Variants in IQCH observed in about 807,000 individuals in gnomAD.
The protein encoded by IQCH is IQ domain-containing protein H.
A neutral mutation model predicts 117.0 loss-of-function variants in IQCH; 98 were observed. That is an observed-to-expected ratio of 0.84 (90% CI 0.71 to 0.99). The LOEUF (loss-of-function observed/expected upper bound fraction) is 0.99. IQCH is among the 50% of genes least tolerant of loss of function. The pLI is 0.00. For synonymous variants in IQCH, 412 were observed against 448.2 expected (o/e 0.92, Z 1.02); for missense variants, 1,102 against 1,243.8 (o/e 0.89, Z 1.72).
Position 67,401,349 on chromosome 15 carries a change from T to C in IQCH, c.2097+1044T>C, listed in dbSNP as rs1176663295. Among the ~76,000 whole-genome samples the C allele has an allele frequency of 1.3e-5, 2 of 152,228 alleles. No individual in the cohort carries two copies. The highest frequency in any genetic ancestry group is 4.8e-5 in the African/African-American group (2 of 41,466). Reference sequence around the variant, plus strand: ...TTGCTTTTCATCCAGAAATCCCCAGTCTTGCCTGGCTTCTCTTAATCCCAA... The same window carrying C: ...TTGCTTTTCATCCAGAAATCCCCAGCCTTGCCTGGCTTCTCTTAATCCCAA... On this transcript the variant is annotated intron_variant, in intron 14 of 20. Coordinates refer to ENST00000335894, the MANE Select transcript of IQCH (RefSeq NM_001031715.3). This position sits in a 1 kb window ranked among gnomAD's most constrained non-coding sequence, Gnocchi z 4.7.
At chr15:67,371,556 T>G in intron 8 of IQCH, 2 of 1,414,430 alleles carry the variant, frequency 1.4e-6, no homozygotes, top group South Asian at 1.2e-5. Flanking sequence ...AACATAATGT[T>G]CCTTGTAAAA....
intron 4 of IQCH, among the ~76,000 whole-genome samples, chr15:67,298,077 G>A (rs931203166): frequency 6.6e-6 from 1 of 152,142 alleles, no homozygotes; most frequent in Non-Finnish European, 1.5e-5. Flanking sequence ...GGGAGGCCGA[G>A]GCGGGTGGAT....
chr15:67,435,764 T>G (rs1424099171), intron 16 of IQCH, among the ~76,000 whole-genome samples: 1 of 150,458 alleles, frequency 6.6e-6, no homozygotes, highest in Non-Finnish European at 1.5e-5. Context: ...TCCCAGCTAC[T>G]TGGAGGCTGA....
At position 67,432,402 on chromosome 15, in the gene IQCH, G is replaced by C. The variant is rs2082039933; in HGVS notation, c.2505+10825G>C. On this transcript the variant is annotated intron_variant, in intron 16 of 20. Coordinates refer to ENST00000335894, the MANE Select transcript of IQCH (RefSeq NM_001031715.3). The surrounding 1 kb of genome is among the most constrained non-coding windows in gnomAD (Gnocchi z 5.0). ...AAAAAAATCTGAAAATATTTTCATT[G>C]CAATGGCAATGGGTTCTGGCCCCAG... is the stretch of plus-strand genomic sequence containing the variant. 6.6e-6 allele frequency among the ~76,000 whole-genome samples: 1 copy of C among 152,138 alleles called. No individual in the cohort carries two copies. Among genetic ancestry groups the C allele is most frequent in the African/African-American group, 2.4e-5 (1 of 41,434 alleles).
intron 3 of IQCH, among the ~76,000 whole-genome samples, chr15:67,269,022 T>TA (rs34421114): frequency 0.24 from 33,412 of 138,404 alleles, 4,175 homozygotes; most frequent in East Asian, 0.49. Flanking sequence ...GTACACTTGC[T>TA]AAAAAAAAAA....
chr15:67,380,902 A>T (rs1028353741), intron 10 of IQCH, among the ~76,000 whole-genome samples: 1 of 152,228 alleles, frequency 6.6e-6, no homozygotes, highest in Non-Finnish European at 1.5e-5. Flanking sequence ...GATGAGATAA[A>T]CAACTACTAC....
At chr15:67,301,430 AAC>A (rs2140530222) in intron 4 of IQCH, among the ~76,000 whole-genome samples, 1 of 122,226 alleles carries the variant, frequency 8.2e-6, no homozygotes, top group East Asian at 2.5e-4. Flanking sequence ...TTTTTTTTGA[AAC>A]CGAGTCTCAT....
In IQCH at chr15:67,388,969, T is replaced by C; in HGVS notation, c.1595T>C (p.Phe532Ser). The part of the protein sequence containing the change: ...LEDRSDLQDR[F>S]KIITPEAVNI... Reference sequence around the variant, plus strand: ...GACAGAAGTGACCTGCAGGACAGGTTCAAAATTATCACACCTGAAGCTGTA... The same window carrying C: ...GACAGAAGTGACCTGCAGGACAGGTCCAAAATTATCACACCTGAAGCTGTA... The change falls in exon 12 of 21, where the codon TTC becomes TCC. Residue 532 changes from phenylalanine (F) to serine (S), a missense_variant. By Grantham distance (155) the Phe-to-Ser change is radical. This residue lies in a region of IQCH where 650 missense variants were observed against 794.3 expected (regional missense o/e 0.82). Coordinates refer to ENST00000335894, the MANE Select transcript of IQCH (RefSeq NM_001031715.3). This position sits in a 1 kb window ranked among gnomAD's most constrained non-coding sequence, Gnocchi z 5.5. 1 of 1,614,022 alleles carries C rather than the reference T, an allele frequency of 6.2e-7. No homozygotes were observed. The highest frequency in any genetic ancestry group is 1.1e-5 in the South Asian group (1 of 91,066).
intron 4 of IQCH, among the ~76,000 whole-genome samples, chr15:67,303,196 A>G (rs1199844660): frequency 1.3e-5 from 2 of 152,148 alleles, no homozygotes; most frequent in Non-Finnish European, 2.9e-5. Flanking sequence ...CGAAGCCTAC[A>G]TATTTTGACT....
intron 4 of IQCH, among the ~76,000 whole-genome samples, chr15:67,323,353 C>T (rs1225229750): frequency 6.6e-6 from 1 of 150,428 alleles, no homozygotes; most frequent in East Asian, 1.9e-4. Context: ...CGCCATTCTC[C>T]TGCCCCAGCC....
chr15:67,344,578 G>T (rs1359084826), intron 6 of IQCH, among the ~76,000 whole-genome samples: 1 of 152,200 alleles, frequency 6.6e-6, no homozygotes, highest in Non-Finnish European at 1.5e-5. Flanking sequence ...ATGACTGACA[G>T]ACTTTGAATG....
At chr15:67,383,802 CTCTTTAATTCTTA>C (rs1435415084) in intron 10 of IQCH, among the ~76,000 whole-genome samples, 1 of 152,178 alleles carries the variant, frequency 6.6e-6, no homozygotes, top group Non-Finnish European at 1.5e-5. Context: ...TTCTGCCTCT[CTCTTTAATTCTTA>C]AGTCCAGATG....
intron 10 of IQCH, among the ~76,000 whole-genome samples, chr15:67,377,817 A>C (rs1006926485): frequency 2.0e-5 from 3 of 151,968 alleles, no homozygotes; most frequent in Admixed American, 6.6e-5. Flanking sequence ...CTTTTATTTC[A>C]CTGCCAATTG....
At chr15:67,340,965 T>A (rs1453231197) in intron 5 of IQCH, among the ~76,000 whole-genome samples, 1 of 152,128 alleles carries the variant, frequency 6.6e-6, no homozygotes, top group Non-Finnish European at 1.5e-5. Context: ...TCCCAGCACT[T>A]TGGGAGGCTG....
chr15:67,282,655 A>G (rs772945482), intron 4 of IQCH, among the ~76,000 whole-genome samples: 24 of 152,216 alleles, frequency 1.6e-4, no homozygotes, highest in African/African-American at 5.5e-4. Context: ...CAGCTGTTAC[A>G]CATGCCTACT....
At position 67,493,275 on chromosome 15, in the gene IQCH, A is replaced by G. The variant is rs957447818; in HGVS notation, c.2862-983A>G. Among the ~76,000 whole-genome samples the G allele has an allele frequency of 6.6e-6, 1 of 152,316 alleles. No homozygotes were observed. Among genetic ancestry groups the G allele is most frequent in the African/African-American group, 2.4e-5 (1 of 41,582 alleles). ...GGAAACTGAGGCTTAGAGAGGGGCA[A>G]TGATTTGCCTGGGTCACACAGTAGG... On this transcript the variant is annotated intron_variant, in intron 19 of 20. Coordinates refer to ENST00000335894, the MANE Select transcript of IQCH (RefSeq NM_001031715.3). This position sits in a 1 kb window ranked among gnomAD's most constrained non-coding sequence, Gnocchi z 5.1.
chr15:67,303,237 A>G (rs1396008502), intron 4 of IQCH, among the ~76,000 whole-genome samples: 1 of 152,190 alleles, frequency 6.6e-6, no homozygotes, highest in East Asian at 1.9e-4. Context: ...GAATAGATAC[A>G]TCAGGAGAGA....
At chr15:67,306,407 A>G (rs1417568625) in intron 4 of IQCH, among the ~76,000 whole-genome samples, 2 of 152,168 alleles carry the variant, frequency 1.3e-5, no homozygotes, top group Non-Finnish European at 2.9e-5. Context: ...CTAAACACTC[A>G]AACGGGATTA....
intron 4 of IQCH, among the ~76,000 whole-genome samples, chr15:67,301,859 C>CT (rs944525504): frequency 5.3e-5 from 8 of 152,070 alleles, no homozygotes; most frequent in Admixed American, 2.0e-4. Context: ...TTAAAATTAT[C>CT]TTTTAACCTC....
Sources: allele counts gnomAD v4.1 joint callset (sites outside exome capture counted in the v4.1 genomes callset), GRCh38; gene constraint gnomAD v4.1.1; regional missense constraint gnomAD v4.1.1; non-coding constraint Gnocchi (gnomAD v3.1); transcripts MANE v1.5; gene names NCBI Gene and HGNC (gene_info 2026-07-23, HGNC 2026-07-21).